Variants in KCND3 observed in about 807,000 individuals in gnomAD.
KCND3 encodes the protein A-type voltage-gated potassium channel KCND3.
A neutral mutation model predicts 51.1 loss-of-function variants in KCND3; 9 were observed. The ratio of observed to expected loss-of-function variants is 0.18; its 90% CI spans 0.11 to 0.31. KCND3 has a LOEUF of 0.31. KCND3 is among the 10% of genes least tolerant of loss of function. KCND3 has a pLI of 1.00. For synonymous variants in KCND3, 349 were observed against 368.0 expected (o/e 0.95, Z 0.59); for missense variants, 526 against 903.8 (o/e 0.58, Z 5.36).
At chr1:111,909,588 C>T (rs1193179629) in intron 2 of KCND3, 2 of 152,140 alleles carry the variant, frequency 1.3e-5, no homozygotes, top group South Asian at 2.1e-4. Flanking sequence ...TTTTCGGTGC[C>T]GAGAAGGGCC....
intron 2 of KCND3, among the ~76,000 whole-genome samples, chr1:111,911,459 G>T (rs2995808): frequency 0.017 from 2,620 of 152,254 alleles, 80 homozygotes; most frequent in African/African-American, 0.06. Context: ...CACAACAAGG[G>T]TGTAGTATAA....
At chr1:111,791,083 C>T (rs750670174) in intron 2 of KCND3, among the ~76,000 whole-genome samples, 4 of 152,206 alleles carry the variant, frequency 2.6e-5, no homozygotes, top group Admixed American at 6.5e-5. Context: ...AGGAGTCATA[C>T]GGTAACTATG....
intron 2 of KCND3, among the ~76,000 whole-genome samples, chr1:111,839,425 A>G (rs909200627): frequency 6.6e-6 from 1 of 152,188 alleles, no homozygotes; most frequent in South Asian, 2.1e-4. Flanking sequence ...GCATTATCCT[A>G]ATTCCCTTTT....
intron 2 of KCND3, among the ~76,000 whole-genome samples, chr1:111,862,713 T>A (rs566922296): frequency 1.3e-5 from 2 of 152,238 alleles, no homozygotes; most frequent in Non-Finnish European, 2.9e-5. Context: ...AGTTCCCTTC[T>A]CTGTAGAGTA....
At position 111,820,517 on chromosome 1, in the gene KCND3, C is replaced by T. The variant is rs746640017; in HGVS notation, c.1107-33411G>A. ...CCTTGCAATGTAGATATTGCTATTC[C>T]ATTTTACAGTGGAGTGCACTGAGGT... On this transcript the variant is annotated intron_variant, in intron 2 of 7. Transcript: ENST00000302127. 8.8e-4 allele frequency among the ~76,000 whole-genome samples: 134 copies of T among 152,142 alleles called. 1 individual carries two copies. The highest frequency in any genetic ancestry group is 2.5e-4 in the Non-Finnish European group (17 of 68,020).
chr1:111,814,054 G>A (rs641724), intron 2 of KCND3, among the ~76,000 whole-genome samples: 88,614 of 152,104 alleles, frequency 0.58, 26,285 homozygotes, highest in East Asian at 0.78. Flanking sequence ...GATGTGCTGG[G>A]CCCCAGGAAA....
chr1:111,834,416 C>T (rs1402151424), intron 2 of KCND3, among the ~76,000 whole-genome samples: 1 of 152,218 alleles, frequency 6.6e-6, no homozygotes, highest in South Asian at 2.1e-4. Flanking sequence ...AGGATTTTCT[C>T]CCCATTCTCC....
At chr1:111,906,042 G>A (rs2101802852) in intron 2 of KCND3, among the ~76,000 whole-genome samples, 1 of 152,358 alleles carries the variant, frequency 6.6e-6, no homozygotes, top group East Asian at 1.9e-4. Flanking sequence ...TCATTTCAAA[G>A]CTCTCTCTAC....
chr1:111,782,664 T>G (rs1187140608), intron 3 of KCND3, among the ~76,000 whole-genome samples: 1 of 152,208 alleles, frequency 6.6e-6, no homozygotes, highest in Non-Finnish European at 1.5e-5. Flanking sequence ...TCTTATATAA[T>G]TTGATTGCAC....
chr1:111,989,446 G>A (rs1281595954), intron 1 of KCND3, among the ~76,000 whole-genome samples, 59 bp downstream of exon 1: 6 of 152,144 alleles, frequency 3.9e-5, no homozygotes, highest in South Asian at 4.1e-4. Flanking sequence ...AGCAACAGGC[G>A]TGGGAGCAGC....
At chr1:111,921,094 C>T (rs1671455971) in intron 2 of KCND3, among the ~76,000 whole-genome samples, 1 of 152,180 alleles carries the variant, frequency 6.6e-6, no homozygotes, top group Non-Finnish European at 1.5e-5. Flanking sequence ...CTACACTTAG[C>T]CAGCCACTCT....
At chr1:111,880,142 A>G (rs1323382321) in intron 2 of KCND3, among the ~76,000 whole-genome samples, 4 of 152,108 alleles carry the variant, frequency 2.6e-5, no homozygotes, top group Non-Finnish European at 5.9e-5. Context: ...CCTTCTTTGT[A>G]TTTCCCACTA....
intron 2 of KCND3, among the ~76,000 whole-genome samples, chr1:111,856,175 G>A (rs1176141635): frequency 6.6e-6 from 1 of 152,240 alleles, no homozygotes; most frequent in Non-Finnish European, 1.5e-5. Context: ...GAAGAGGTAG[G>A]ATAGCAGGGG....
chr1:111,802,289 C>T (rs1239974065), intron 2 of KCND3, among the ~76,000 whole-genome samples: 3 of 152,204 alleles, frequency 2.0e-5, no homozygotes, highest in African/African-American at 7.2e-5. Flanking sequence ...AACACCACAG[C>T]CTTCCTCCAA....
chr1:111,955,177 G>C (rs1437088820), intron 2 of KCND3, among the ~76,000 whole-genome samples: 1 of 152,246 alleles, frequency 6.6e-6, no homozygotes, highest in Non-Finnish European at 1.5e-5. Context: ...GGGAGGCCAA[G>C]GCACGAGAAT....
intron 2 of KCND3, among the ~76,000 whole-genome samples, chr1:111,806,330 G>A (rs954548858): frequency 2.6e-5 from 4 of 152,160 alleles, no homozygotes; most frequent in Admixed American, 6.5e-5. Context: ...CTCACGGCCC[G>A]GCCCTCCCAT....
At position 111,981,665 on chromosome 1, in the gene KCND3, G is replaced by A. The variant is rs150934088; in HGVS notation, c.1062C>T (p.Ile354=). The change falls in exon 2 of 8, where the codon ATC becomes ATT. Residue 354 remains isoleucine, a synonymous_variant. Coordinates refer to ENST00000302127, the MANE Select transcript of KCND3 (RefSeq NM_001378969.1). The surrounding 1 kb of genome is among the most constrained non-coding windows in gnomAD (Gnocchi z 6.2). ...KGSSASKFTS[I]PASFWYTIVT... is the part of the protein sequence containing the mutation. Reference sequence around the variant, plus strand: ...CAATGGTGTACCAAAACGAGGCAGGGATGCTTGTGAACTTGCTGGCCGAGG... The same window carrying A: ...CAATGGTGTACCAAAACGAGGCAGGAATGCTTGTGAACTTGCTGGCCGAGG... 4 of 1,614,178 alleles carry A rather than the reference G, an allele frequency of 2.5e-6. No homozygotes were observed. In the Admixed American group the frequency reaches 5.0e-5, roughly 20 times the overall value.
chr1:111,804,735 G>A lies in KCND3; in HGVS notation c.1107-17629C>T, dbSNP rs143713804. On this transcript the variant is annotated intron_variant, in intron 2 of 7. Transcript: ENST00000302127. ...TTAATTCTCCAAACAACCCCAGATA[G>A]GGAGATGGGTTCTATAATTATCCCC... Among the ~76,000 whole-genome samples, 391 of 152,362 alleles carry A rather than the reference G, an allele frequency of 2.6e-3. 1 individual carries two copies. The highest frequency in any genetic ancestry group is 4.3e-3 in the Non-Finnish European group (290 of 68,030).
chr1:111,844,449 G>A (rs11807676), intron 2 of KCND3, among the ~76,000 whole-genome samples: 6,793 of 152,074 alleles, frequency 0.045, 204 homozygotes, highest in East Asian at 0.095. Context: ...CTTTCTGGTC[G>A]CTGAGAACCT....
Sources: gnomAD v4.1 joint callset for allele counts (sites outside exome capture counted in the v4.1 genomes callset) on GRCh38, gnomAD v4.1.1 for gene constraint, Gnocchi (gnomAD v3.1) non-coding constraint, MANE v1.5 for transcripts, NCBI Gene and HGNC (gene_info 2026-07-23, HGNC 2026-07-21) for gene names.